Variants in BICC1 observed in about 807,000 individuals in gnomAD.
The protein encoded by BICC1 is BicC family RNA binding protein 1, also known as protein bicaudal C homolog 1.
BICC1 carries 43 observed loss-of-function variants against 111.0 expected under a neutral mutation model. That is an observed-to-expected ratio of 0.39 (90% CI 0.30 to 0.50). BICC1 has a LOEUF of 0.50. BICC1 is among the 20% of genes least tolerant of loss of function. The probability of loss-of-function intolerance (pLI) is 0.88; values close to 1 mark genes in which losing one functional copy is unlikely to be tolerated. For missense variants in BICC1, 1,091 were observed against 1,203.2 expected, an observed-to-expected ratio of 0.91 and a Z score of 1.38; for synonymous variants, 467 against 434.4, an observed-to-expected ratio of 1.07 and a Z score of -0.93.
intron 3 of BICC1, among the ~76,000 whole-genome samples, chr10:58,753,859 G>A (rs545452520): frequency 2.2e-4 from 34 of 151,414 alleles, no homozygotes; most frequent in African/African-American, 6.5e-4. Flanking sequence ...TCCCTATTCC[G>A]TACTATATCA....
At chr10:58,697,546 G>C (rs545006390) in intron 2 of BICC1, among the ~76,000 whole-genome samples, 1 of 152,214 alleles carries the variant, frequency 6.6e-6, no homozygotes, top group South Asian at 2.1e-4. Context: ...CTTCTCAGCG[G>C]TTTTGTAGCT....
At chr10:58,548,155 A>T (rs1843190077) in intron 1 of BICC1, among the ~76,000 whole-genome samples, 1 of 152,228 alleles carries the variant, frequency 6.6e-6, no homozygotes, top group African/African-American at 2.4e-5. Flanking sequence ...ATCTGTTACC[A>T]CATGGCTCAT....
At chr10:58,625,854 A>C (rs1008576440) in intron 2 of BICC1, among the ~76,000 whole-genome samples, 1 of 152,148 alleles carries the variant, frequency 6.6e-6, no homozygotes, top group Admixed American at 6.5e-5. Flanking sequence ...AGAGTTAATA[A>C]AGTTACTCTG....
At chr10:58,800,837 C>G in intron 13 of BICC1, 53 bp from the exon 14 acceptor site, 1 of 1,506,016 alleles carries the variant, frequency 6.6e-7, no homozygotes, top group African/African-American at 1.4e-5. Flanking sequence ...TAATTGTCAA[C>G]TGGAAGGTGA....
chr10:58,743,466 AT>A (rs5785344), intron 3 of BICC1, among the ~76,000 whole-genome samples: 51 of 143,722 alleles, frequency 3.5e-4, no homozygotes, highest in South Asian at 3.1e-3. Flanking sequence ...ATTTGCTGGG[AT>A]TTTTTTTTTT....
intron 2 of BICC1, among the ~76,000 whole-genome samples, chr10:58,697,988 A>G (rs1441624464): frequency 2.0e-5 from 3 of 152,034 alleles, no homozygotes; most frequent in African/African-American, 7.2e-5. Context: ...GGCTGTCACA[A>G]ATTAATAGTG....
intron 2 of BICC1, among the ~76,000 whole-genome samples, chr10:58,697,336 CTCTT>C (rs1414939418): frequency 6.6e-6 from 1 of 152,094 alleles, no homozygotes. Context: ...ATAAAATTAT[CTCTT>C]TATTTCCATG....
chr10:58,679,797 GGCAAACCGGATCCA>G (rs1320230046), intron 2 of BICC1, among the ~76,000 whole-genome samples: 4 of 152,110 alleles, frequency 2.6e-5, no homozygotes, highest in Admixed American at 2.6e-4. Context: ...ATAAAATACT[GGCAAACCGGATCCA>G]GCAGCACATT....
At chr10:58,810,535 C>A (rs1843868954) in intron 17 of BICC1, among the ~76,000 whole-genome samples, 3 of 151,656 alleles carry the variant, frequency 2.0e-5, no homozygotes. Flanking sequence ...CCTCATGTAT[C>A]CCAAATTCTT....
chr10:58,646,001 G>T (rs926508331), intron 2 of BICC1, among the ~76,000 whole-genome samples: 2 of 151,280 alleles, frequency 1.3e-5, no homozygotes, highest in African/African-American at 4.9e-5. Flanking sequence ...GATGAATTTG[G>T]AACAATGCCA....
At chr10:58,678,701 A>G (rs779456442) in intron 2 of BICC1, among the ~76,000 whole-genome samples, 2 of 152,250 alleles carry the variant, frequency 1.3e-5, no homozygotes, top group South Asian at 2.1e-4. Flanking sequence ...AGACATCTAC[A>G]GAACTCTCCA....
At chr10:58,679,407 C>A (rs1281028942) in intron 2 of BICC1, among the ~76,000 whole-genome samples, 2 of 152,152 alleles carry the variant, frequency 1.3e-5, no homozygotes, top group Non-Finnish European at 2.9e-5. Flanking sequence ...ACTATAAGCA[C>A]CTGTATGCAA....
At chr10:58,755,331 C>T (rs1005937169) in intron 3 of BICC1, among the ~76,000 whole-genome samples, 4 of 152,186 alleles carry the variant, frequency 2.6e-5, no homozygotes. Flanking sequence ...AGGGGAAAGG[C>T]TACAGCTTCC....
At chr10:58,559,723 G>C (rs1297036656) in intron 1 of BICC1, among the ~76,000 whole-genome samples, 1 of 152,032 alleles carries the variant, frequency 6.6e-6, no homozygotes, top group Non-Finnish European at 1.5e-5. Flanking sequence ...CAGCTATGGG[G>C]TTGTCATGTA....
At position 58,796,507 on chromosome 10, in the gene BICC1, C is replaced by T. The variant is rs1362693638; in HGVS notation, c.1347C>T (p.Gly449=). 6.2e-7 allele frequency: 1 copy of T among 1,613,660 alleles called. No homozygotes were observed. The highest frequency in any genetic ancestry group is 1.1e-5 in the South Asian group (1 of 91,024). The change falls in exon 10 of 21, where the codon GGC becomes GGT. Residue 449 remains glycine, a synonymous_variant. Coordinates refer to ENST00000373886, the MANE Select transcript of BICC1 (RefSeq NM_001080512.3). ...GCCTGGATATCTTAGCTTCAGCAGG[C>T]CTTGGACTCACTGGACTAGGTATAC... ...CPSLDILASA[G]LGLTGLGLLG...
chr10:58,758,157 AT>A (rs1307583998), intron 3 of BICC1, among the ~76,000 whole-genome samples: 4 of 152,234 alleles, frequency 2.6e-5, no homozygotes, highest in East Asian at 3.9e-4. Context: ...GTCATTAAAA[AT>A]TTTTTTTGGT....
chr10:58,748,589 G>T (rs918679010), intron 3 of BICC1, among the ~76,000 whole-genome samples: 1 of 152,000 alleles, frequency 6.6e-6, no homozygotes, highest in African/African-American at 2.4e-5. Context: ...TTCTGGTATA[G>T]TAGAAGAATA....
At chr10:58,548,909 G>C (rs977661508) in intron 1 of BICC1, among the ~76,000 whole-genome samples, 1 of 152,096 alleles carries the variant, frequency 6.6e-6, no homozygotes, top group African/African-American at 2.4e-5. Context: ...ACCCAGGCTG[G>C]AGTGCAGTGG....
At chr10:58,760,499 TTC>T (rs1842282362) in intron 3 of BICC1, among the ~76,000 whole-genome samples, 1 of 152,200 alleles carries the variant, frequency 6.6e-6, no homozygotes, top group African/African-American at 2.4e-5. Context: ...ACAGAGGAAT[TTC>T]TGTTTGCCAA....
Sources: gnomAD v4.1 joint callset for allele counts (sites outside exome capture counted in the v4.1 genomes callset) on GRCh38, gnomAD v4.1.1 for gene constraint, MANE v1.5 for transcripts, NCBI Gene and HGNC (gene_info 2026-07-23, HGNC 2026-07-21) for gene names.